LARGE1: variants seen among roughly 807,000 people sequenced by gnomAD.
LARGE1 encodes the protein LARGE xylosyl- and glucuronyltransferase 1.
A neutral mutation model predicts 87.6 loss-of-function variants in LARGE1; 43 were observed. That is an observed-to-expected ratio of 0.49 (90% CI 0.38 to 0.63). LARGE1 has a LOEUF of 0.63. Among genes scored for constraint, LARGE1 ranks in the 30% least tolerant of loss-of-function variants. LARGE1 has a pLI of 0.00. For missense variants in LARGE1, 802 were observed against 1,000.2 expected, an observed-to-expected ratio of 0.80 and a Z score of 2.67; for synonymous variants, 434 against 394.6, an observed-to-expected ratio of 1.10 and a Z score of -1.18.
At chr22:33,457,699 T>C (rs954730796) in intron 6 of LARGE1, among the ~76,000 whole-genome samples, 2 of 152,134 alleles carry the variant, frequency 1.3e-5, no homozygotes, top group African/African-American at 2.4e-5. Flanking sequence ...AAGAGTAATT[T>C]TTTTTGCACC....
chr22:33,902,803 C>T (rs1213454981), intron 1 of LARGE1, among the ~76,000 whole-genome samples: 1 of 152,174 alleles, frequency 6.6e-6, no homozygotes, highest in Admixed American at 6.5e-5. Context: ...CCCAGAACCT[C>T]AAAATGTGAC....
At chr22:33,828,768 A>G (rs5999115) in intron 1 of LARGE1, among the ~76,000 whole-genome samples, 2,820 of 152,282 alleles carry the variant, frequency 0.019, 74 homozygotes, top group African/African-American at 0.063. Flanking sequence ...ATGAATGAGA[A>G]AACATAATAA....
intron 1 of LARGE1, among the ~76,000 whole-genome samples, chr22:33,816,733 C>CAGACAGACAGACAGAT (rs763136582): frequency 2.1e-4 from 32 of 150,126 alleles, no homozygotes; most frequent in East Asian, 9.9e-4. Context: ...GACAGACAGA[C>CAGACAGACAGACAGAT]AGATACAGAA....
chr22:33,550,814 T>C (rs983985387), intron 6 of LARGE1, among the ~76,000 whole-genome samples: 2 of 152,188 alleles, frequency 1.3e-5, no homozygotes, highest in Non-Finnish European at 2.9e-5. Flanking sequence ...CAATGGATAA[T>C]GCAAATGTGG....
At chr22:33,754,289 A>G (rs2084426132) in intron 2 of LARGE1, among the ~76,000 whole-genome samples, 1 of 151,830 alleles carries the variant, frequency 6.6e-6, no homozygotes, top group South Asian at 2.1e-4. Flanking sequence ...TTGTTGCAAG[A>G]TTTTGCTCAA....
At chr22:33,827,383 T>C (rs1222698735) in intron 1 of LARGE1, among the ~76,000 whole-genome samples, 1 of 151,804 alleles carries the variant, frequency 6.6e-6, no homozygotes, top group Non-Finnish European at 1.5e-5. Context: ...AAAAAGAGTT[T>C]ACTGAAAAGA....
intron 11 of LARGE1, among the ~76,000 whole-genome samples, chr22:33,237,607 G>C (rs1926315216): frequency 6.6e-6 from 1 of 152,130 alleles, no homozygotes; most frequent in Non-Finnish European, 1.5e-5. Context: ...TGGCAAAAGG[G>C]TCTGGCTGCT....
At chr22:33,473,732 C>T (rs1343123840) in intron 6 of LARGE1, among the ~76,000 whole-genome samples, 1 of 152,192 alleles carries the variant, frequency 6.6e-6, no homozygotes, top group Non-Finnish European at 1.5e-5. Flanking sequence ...GCGTCAGCCA[C>T]CGAGCCCAGC....
intron 2 of LARGE1, among the ~76,000 whole-genome samples, chr22:33,739,340 C>T (rs527761739): frequency 2.0e-5 from 3 of 152,150 alleles, no homozygotes; most frequent in Non-Finnish European, 2.9e-5. Context: ...TGCCCCTGGG[C>T]ATCTGACATC....
intron 6 of LARGE1, among the ~76,000 whole-genome samples, chr22:33,487,194 T>A (rs187826227): frequency 6.6e-6 from 1 of 152,312 alleles, no homozygotes; most frequent in East Asian, 1.9e-4. Context: ...TGTTCATCCA[T>A]CTGACGGATA....
intron 10 of LARGE1, among the ~76,000 whole-genome samples, chr22:33,329,499 T>C (rs1937514736): frequency 6.6e-6 from 1 of 151,436 alleles, no homozygotes; most frequent in South Asian, 2.1e-4. Context: ...CCAGAAAGGG[T>C]TGTTCTGAAG....
At chr22:33,725,041 G>C (rs762260506) in intron 2 of LARGE1, 1 of 152,994 alleles carries the variant, frequency 6.5e-6, no homozygotes, top group Non-Finnish European at 1.5e-5. Context: ...TCCATGGAAA[G>C]AGCATTCCCA....
chr22:33,178,992 C>G (rs1441067722), intron 11 of LARGE1, among the ~76,000 whole-genome samples: 2 of 152,150 alleles, frequency 1.3e-5, no homozygotes, highest in African/African-American at 2.4e-5. Context: ...CTTGCTGCAT[C>G]ATAACAGGGT....
chr22:33,544,606 C>G (rs553131034), intron 6 of LARGE1, among the ~76,000 whole-genome samples: 1 of 152,030 alleles, frequency 6.6e-6, no homozygotes, highest in Non-Finnish European at 1.5e-5. Context: ...CACTTGAACC[C>G]TGGAGGTGGA....
At chr22:33,814,192 C>T (rs1438919720) in intron 1 of LARGE1, among the ~76,000 whole-genome samples, 1 of 152,114 alleles carries the variant, frequency 6.6e-6, no homozygotes, top group Admixed American at 6.5e-5. Context: ...GACTGTCAAC[C>T]TCTTCTAAGT....
rs538442667 is a variant in LARGE1 at position 33,366,260 on chromosome 22, AT to A, written c.1131+15658del. Among the ~76,000 whole-genome samples, 5 of 152,330 alleles carry A rather than the reference AT, an allele frequency of 3.3e-5. No individual in the cohort carries two copies. In the South Asian group the frequency reaches 1.0e-3, roughly 32 times the overall value. On this transcript the variant is annotated intron_variant, in intron 9 of 14. Transcript: ENST00000397394. Reference sequence around the variant, plus strand: ...GTATGTTGCCTCTTCATATACCAAAATGCTTTCATAAATGTGTGTGTGCTCT... The same window carrying A: ...GTATGTTGCCTCTTCATATACCAAAAGCTTTCATAAATGTGTGTGTGCTCT...
intron 2 of LARGE1, among the ~76,000 whole-genome samples, chr22:33,713,051 C>T (rs1444027618): frequency 6.6e-6 from 1 of 152,166 alleles, no homozygotes; most frequent in Non-Finnish European, 1.5e-5. Context: ...AATCCCATCA[C>T]TGAAGGGCTG....
intron 7 of LARGE1, among the ~76,000 whole-genome samples, 178 bp from the exon 8 acceptor site, chr22:33,384,482 A>G (rs2065260022): frequency 8.0e-6 from 1 of 124,802 alleles, no homozygotes; most frequent in African/African-American, 2.7e-5. Context: ...GAGGCTCCAC[A>G]GTATGGGGCA....
intron 11 of LARGE1, among the ~76,000 whole-genome samples, chr22:33,201,769 C>A (rs369504797): frequency 8.9e-4 from 135 of 152,284 alleles, no homozygotes; most frequent in African/African-American, 3.2e-3. Context: ...AGAACTTAAG[C>A]TTTTACCATG....
Sources: allele counts gnomAD v4.1 joint callset (sites outside exome capture counted in the v4.1 genomes callset), GRCh38; gene constraint gnomAD v4.1.1; transcripts MANE v1.5; gene names NCBI Gene and HGNC (gene_info 2026-07-23, HGNC 2026-07-21).